Variants in TRIM5 observed in about 807,000 individuals in gnomAD.
TRIM5 encodes tripartite motif containing 5.
Under a neutral mutation model 35.6 loss-of-function variants are expected in TRIM5, and 31 were observed. The observed-to-expected ratio is 0.87, with a 90% CI of 0.65 to 1.18. The LOEUF (loss-of-function observed/expected upper bound fraction) is 1.18, where lower values mean the gene tolerates loss of function less well. Among genes scored for constraint, TRIM5 ranks in the 50% most tolerant of loss-of-function variants. The pLI is 0.00. For synonymous variants in TRIM5, 243 were observed against 215.6 expected (o/e 1.13, Z -1.11); for missense variants, 609 against 591.6 (o/e 1.03, Z -0.31).
chr11:5,597,012 T>C, the TRIM5 span: 5 of 1,581,302 alleles, frequency 3.2e-6, no homozygotes, highest in Non-Finnish European at 3.4e-6. Context: ...CGGAACTCAT[T>C]ATATCTTTAT....
intron 2 of TRIM5, among the ~76,000 whole-genome samples, chr11:5,679,438 A>C (rs1361656040): frequency 6.6e-6 from 1 of 152,066 alleles, no homozygotes; most frequent in Non-Finnish European, 1.5e-5. Flanking sequence ...GCAAGGAAAA[A>C]ACTTACATCT....
chr11:5,683,741 G>T (rs1852758435), intron 1 of TRIM5, among the ~76,000 whole-genome samples: 2 of 152,130 alleles, frequency 1.3e-5, no homozygotes, highest in African/African-American at 4.8e-5. Flanking sequence ...CTAGCTCAGG[G>T]ATTGTAAATG....
chr11:5,668,226 G>A (rs183900004), intron 4 of TRIM5, among the ~76,000 whole-genome samples: 2 of 152,200 alleles, frequency 1.3e-5, no homozygotes, highest in African/African-American at 4.8e-5. Flanking sequence ...ACTGAGCTAG[G>A]ATCACACTAC....
At chr11:5,634,757 T>A in the TRIM5 span, 1 of 1,614,026 alleles carries the variant, frequency 6.2e-7, no homozygotes, top group South Asian at 1.1e-5. Flanking sequence ...GCTGGATAAG[T>A]TTGCAGAGGC....
chr11:5,672,539 T>C (rs1851656194), intron 4 of TRIM5, among the ~76,000 whole-genome samples: 1 of 152,116 alleles, frequency 6.6e-6, no homozygotes, highest in Non-Finnish European at 1.5e-5. Context: ...TTCCCAAAAA[T>C]AGTTTTTAAA....
At chr11:5,599,522 G>C in the TRIM5 span, among the ~76,000 whole-genome samples, 1 of 152,002 alleles carries the variant, frequency 6.6e-6, no homozygotes, top group African/African-American at 2.4e-5. Context: ...TCCTGCCTCA[G>C]CCTCCCGAGT....
the TRIM5 span, among the ~76,000 whole-genome samples, chr11:5,631,429 A>G: frequency 2.0e-5 from 3 of 152,200 alleles, no homozygotes; most frequent in Admixed American, 6.5e-5. Context: ...TTTGTAAATC[A>G]TTTAATTTTA....
At chr11:5,592,786 G>A in the TRIM5 span, among the ~76,000 whole-genome samples, 1 of 151,538 alleles carries the variant, frequency 6.6e-6, no homozygotes, top group Non-Finnish European at 1.5e-5. Flanking sequence ...GCACGGTGGT[G>A]TATGCCCTTA....
chr11:5,650,395 G>A, the TRIM5 span, among the ~76,000 whole-genome samples: 1 of 152,294 alleles, frequency 6.6e-6, no homozygotes, highest in South Asian at 2.1e-4. Flanking sequence ...TTCCTTCAAG[G>A]GGTACTTCAG....
the TRIM5 span, among the ~76,000 whole-genome samples, chr11:5,613,410 A>G: frequency 2.0e-5 from 3 of 152,374 alleles, no homozygotes; most frequent in African/African-American, 7.2e-5. Flanking sequence ...AGTGCAGATT[A>G]TAGTAAAAGC....
At chr11:5,633,705 G>C in the TRIM5 span, 1 of 1,206,916 alleles carries the variant, frequency 8.3e-7, no homozygotes, top group South Asian at 1.6e-5. Flanking sequence ...TCTGTAAATT[G>C]CTTTTTTCTG....
the TRIM5 span, chr11:5,604,595 C>A: frequency 2.5e-6 from 4 of 1,613,080 alleles, no homozygotes; most frequent in Non-Finnish European, 3.4e-6. Flanking sequence ...GAGAAGCTAA[C>A]AGCTTTTATC....
the TRIM5 span, among the ~76,000 whole-genome samples, chr11:5,601,548 A>C: frequency 6.6e-6 from 1 of 152,152 alleles, no homozygotes; most frequent in African/African-American, 2.4e-5. Context: ...ACTTGAGGTC[A>C]GGAGTTCGAG....
intron 4 of TRIM5, among the ~76,000 whole-genome samples, chr11:5,675,550 G>T (rs1225856397): frequency 6.6e-6 from 1 of 152,016 alleles, no homozygotes; most frequent in Non-Finnish European, 1.5e-5. Context: ...CAAACCTCCT[G>T]GGAATGCCCC....
chr11:5,676,553 T>C (rs1851997950), intron 4 of TRIM5, among the ~76,000 whole-genome samples: 1 of 152,090 alleles, frequency 6.6e-6, no homozygotes, highest in African/African-American at 2.4e-5. Context: ...ACAGATTCAA[T>C]GCCATCCCCA....
At position 5,665,020 on chromosome 11, in the gene TRIM5, G is replaced by A. The variant is rs887636705; in HGVS notation, c.1271C>T (p.Pro424Leu). The part of the protein sequence containing the change: ...QDSSFHTPSV[P>L]FIVPLSVIIC... ...AATCACAGAGAGGGGCACAATGAAA[G>A]GAACAGAAGGAGTATGGAAGGAACT... Residue 424 changes from proline to leucine, a missense_variant, in exon 8 of 8, where the codon CCT becomes CTT. Pro to Leu is a moderately conservative substitution (Grantham distance 98). Transcript: ENST00000380034. The A allele has an allele frequency of 2.5e-6, 4 of 1,614,096 alleles. No individual in the cohort carries two copies. Among genetic ancestry groups the A allele is most frequent in the Non-Finnish European group, 3.4e-6 (4 of 1,180,028 alleles).
the TRIM5 span, among the ~76,000 whole-genome samples, chr11:5,656,803 A>G: frequency 1.3e-5 from 2 of 152,380 alleles, no homozygotes; most frequent in Admixed American, 6.5e-5. Flanking sequence ...TTAAAAAGTC[A>G]GGAAACAACA....
the TRIM5 span, among the ~76,000 whole-genome samples, chr11:5,628,367 TATC>T: frequency 6.6e-6 from 1 of 152,262 alleles, no homozygotes; most frequent in African/African-American, 2.4e-5. Flanking sequence ...AATATTATCA[TATC>T]ATATAAACTC....
At chr11:5,603,651 GGT>G in the TRIM5 span, 28 of 1,613,458 alleles carry the variant, frequency 1.7e-5, 1 homozygote, top group Non-Finnish European at 1.6e-5. Flanking sequence ...AGGATGGGAA[GGT>G]CATTTGCTGG....
Sources: allele counts gnomAD v4.1 joint callset (sites outside exome capture counted in the v4.1 genomes callset), GRCh38; gene constraint gnomAD v4.1.1; transcripts MANE v1.5; gene names NCBI Gene and HGNC (gene_info 2026-07-23, HGNC 2026-07-21).